Variants in HCFC2 observed in about 807,000 individuals in gnomAD.
HCFC2 encodes the protein host cell factor C2.
In HCFC2, 18 loss-of-function variants were observed where a neutral mutation model predicts 89.2. The observed-to-expected ratio is 0.20, with a 90% CI of 0.14 to 0.30. The LOEUF (loss-of-function observed/expected upper bound fraction) is 0.30, where lower values mean the gene tolerates loss of function less well. HCFC2 is among the 10% of genes least tolerant of loss of function. HCFC2 has a pLI of 1.00. For synonymous variants in HCFC2, 308 were observed against 335.7 expected, an observed-to-expected ratio of 0.92 and a Z score of 0.90; for missense variants, 578 against 956.1, an observed-to-expected ratio of 0.60 and a Z score of 5.21.
intron 8 of HCFC2, 26 bp downstream of exon 8, chr12:104,087,040 A>G (rs1364694173): frequency 6.2e-7 from 1 of 1,610,642 alleles, no homozygotes; most frequent in Non-Finnish European, 8.5e-7. Flanking sequence ...TGCTTAAAGT[A>G]TGTGTGCTCA....
chr12:104,072,175 C>T (rs1002824680), intron 3 of HCFC2, among the ~76,000 whole-genome samples: 1 of 152,196 alleles, frequency 6.6e-6, no homozygotes, highest in East Asian at 1.9e-4. Flanking sequence ...AGTATGAGAC[C>T]AGCCTGGGCA....
chr12:104,093,431 A>G lies in HCFC2; in HGVS notation c.1330A>G (p.Lys444Glu). 21 of 1,613,520 alleles carry G rather than the reference A, an allele frequency of 1.3e-5. No homozygotes were observed. The highest frequency in any genetic ancestry group is 1.8e-5 in the Non-Finnish European group (21 of 1,179,686). The change falls in exon 10 of 15, where the codon AAA becomes GAA. Residue 444 changes from lysine to glutamate, a missense_variant. Transcript: ENST00000229330. ...CACAAAAACTGAACAGCCAGCCACA[A>G]AAGAAACTTCAATGAAAAACAAACC... ...NSTKTEQPAT[K>E]ETSMKNKPDF... is the part of the protein sequence containing the mutation.
intron 7 of HCFC2, among the ~76,000 whole-genome samples, chr12:104,083,639 G>A (rs964232236): frequency 2.0e-5 from 3 of 152,068 alleles, no homozygotes; most frequent in South Asian, 2.1e-4. Flanking sequence ...TGGAGAAAAG[G>A]GAAAGCTGGG....
chr12:104,101,872 T>C, intron 13 of HCFC2, 96 bp from the exon 14 acceptor site: 1 of 741,324 alleles, frequency 1.3e-6, no homozygotes, highest in South Asian at 3.9e-5. Context: ...ATTTATTCTT[T>C]AAAAGTTTTT....
Position 104,078,339 on chromosome 12 carries a change from G to A in HCFC2, c.474-1106G>A, listed in dbSNP as rs115376680. Among the ~76,000 whole-genome samples the A allele has an allele frequency of 8.4e-3, 1,272 of 152,154 alleles. 13 individuals are homozygous for A. Among genetic ancestry groups the A allele is most frequent in the African/African-American group, 0.028 (1,156 of 41,526 alleles). ...CTTAGATTTATTTTTCTTTTTCCTAGATAACATCCTAGAATTATTTTCCGC... is the reference window on the plus strand; with the variant it reads ...CTTAGATTTATTTTTCTTTTTCCTAAATAACATCCTAGAATTATTTTCCGC... On this transcript the variant is annotated intron_variant, in intron 3 of 14. Transcript: ENST00000229330.
chr12:104,096,532 C>T, intron 12 of HCFC2, 99 bp downstream of exon 12: 1 of 757,806 alleles, frequency 1.3e-6, no homozygotes, highest in Non-Finnish European at 2.2e-6. Context: ...ATTCTCAGGT[C>T]TCAGTAATGA....
intron 9 of HCFC2, 123 bp from the exon 10 acceptor site, chr12:104,093,262 AT>A: frequency 1.7e-6 from 1 of 587,358 alleles, no homozygotes. Context: ...TAATAATGTA[AT>A]TTTTAGGTGT....
chr12:104,090,239 T>TC (rs1397612028), intron 9 of HCFC2, among the ~76,000 whole-genome samples: 1 of 152,238 alleles, frequency 6.6e-6, no homozygotes, highest in East Asian at 1.9e-4. Flanking sequence ...TGGAAGTTTT[T>TC]CCCTCAGAAA....
In HCFC2 at chr12:104,103,410, T is replaced by C. The variant is rs987699200; in HGVS notation, c.*137T>C. 2.9e-6 allele frequency: 2 copies of C among 700,086 alleles called. No homozygotes were observed. Among genetic ancestry groups the C allele is most frequent in the Admixed American group, 6.1e-5 (2 of 32,542 alleles). 43.4% of individuals were successfully genotyped at this position (700,086 alleles called of 1,614,324 possible). Reference sequence around the variant, plus strand: ...TTGAGTTTGTAAATTGTTCTTAAAATGTATTTGCTGAATTATAGATCCAAA... The same window carrying C: ...TTGAGTTTGTAAATTGTTCTTAAAACGTATTTGCTGAATTATAGATCCAAA... On this transcript the variant is annotated 3_prime_UTR_variant, in exon 15 of 15. Coordinates refer to ENST00000229330, the MANE Select transcript of HCFC2 (RefSeq NM_013320.3).
At chr12:104,076,827 C>T (rs565295231) in intron 3 of HCFC2, among the ~76,000 whole-genome samples, 1 of 152,072 alleles carries the variant, frequency 6.6e-6, no homozygotes, top group East Asian at 1.9e-4. Context: ...CAGATTTTGT[C>T]TTATAATAGG....
At chr12:104,100,349 G>A (rs995480826) in intron 13 of HCFC2, among the ~76,000 whole-genome samples, 1 of 152,144 alleles carries the variant, frequency 6.6e-6, no homozygotes, top group African/African-American at 2.4e-5. Context: ...GGAAGTCCAA[G>A]GTGGGAGGAG....
chr12:104,093,485 G>A lies in HCFC2; in HGVS notation c.1384G>A (p.Ala462Thr), dbSNP rs779268023. The A allele has an allele frequency of 2.5e-6, 4 of 1,613,016 alleles. No individual in the cohort carries two copies. Among genetic ancestry groups the A allele is most frequent in the South Asian group, 2.2e-5 (2 of 91,030 alleles). Residue 462 changes from alanine (A) to threonine (T), a missense_variant, in exon 10 of 15, where the codon GCC becomes ACC. This residue lies in a region of HCFC2 where 210 missense variants were observed against 251.7 expected (regional missense o/e 0.83). Transcript: ENST00000229330. ...PDFKALTDSN[A>T]ILYPSLASNA... ...CTTTAAAGCACTGACGGATTCTAAT[G>A]CCATTTTATATCCATCTTTGGCATC... is the stretch of plus-strand genomic sequence containing the variant.
intron 5 of HCFC2, among the ~76,000 whole-genome samples, chr12:104,081,687 AG>A (rs1358328808): frequency 4.6e-5 from 7 of 151,560 alleles, no homozygotes; most frequent in Non-Finnish European, 7.4e-5. Flanking sequence ...TTAACTGAAG[AG>A]GCATTTTATA....
In HCFC2 at chr12:104,095,973, T is replaced by TA. The variant is rs1884164675; in HGVS notation, c.1667-386dup. 6.6e-6 allele frequency among the ~76,000 whole-genome samples: 1 copy of TA among 152,186 alleles called. No homozygotes were observed. Among genetic ancestry groups the TA allele is most frequent in the Admixed American group, 6.5e-5 (1 of 15,274 alleles). ...TGAATAAATTTAGCAAACTTTTTTTTAGACAAGATTGGTTCTAGACTGTGT... is the reference window on the plus strand; with the variant it reads ...TGAATAAATTTAGCAAACTTTTTTTTAAGACAAGATTGGTTCTAGACTGTGT... On this transcript the variant is annotated intron_variant, in intron 11 of 14. Coordinates refer to ENST00000229330, the MANE Select transcript of HCFC2 (RefSeq NM_013320.3). This position sits in a 1 kb window ranked among gnomAD's most constrained non-coding sequence, Gnocchi z 4.2.
chr12:104,076,242 A>T (rs1883492348), intron 3 of HCFC2, among the ~76,000 whole-genome samples: 1 of 152,242 alleles, frequency 6.6e-6, no homozygotes, highest in Admixed American at 6.5e-5. Context: ...CAGCCTCCTG[A>T]GTAGCTGGGA....
At position 104,082,499 on chromosome 12, in the gene HCFC2, G is replaced by A; in HGVS notation, c.768-1G>A. The A allele has an allele frequency of 6.3e-7, 1 of 1,579,710 alleles. No homozygotes were observed. Among genetic ancestry groups the A allele is most frequent in the Non-Finnish European group, 8.7e-7 (1 of 1,149,048 alleles). ...TATGTTTTTGTTTTGTTGTTGCTCA[G>A]GATGTACATTTTTGGTGGATGGGTC... On this transcript the variant is annotated splice_acceptor_variant, in intron 5 of 14. Transcript: ENST00000229330. LOFTEE classifies it high-confidence loss of function.
chr12:104,066,050 CT>C, intron 1 of HCFC2, 116 bp from the exon 2 acceptor site: 1 of 991,066 alleles, frequency 1.0e-6, no homozygotes, highest in South Asian at 1.4e-5. Flanking sequence ...CAAATGTCTT[CT>C]GGGGGGCAGA....
At chr12:104,086,806 C>T (rs773870288) in intron 7 of HCFC2, 41 bp from the exon 8 acceptor site, 3 of 1,572,440 alleles carry the variant, frequency 1.9e-6, no homozygotes, top group South Asian at 2.2e-5. Context: ...ACCATTTATA[C>T]ACTGGAAACT....
chr12:104,096,278 A>G (rs1884174776), intron 11 of HCFC2, 82 bp from the exon 12 acceptor site: 3 of 905,668 alleles, frequency 3.3e-6, no homozygotes, highest in Non-Finnish European at 4.9e-6. Context: ...AGTTGGTGGC[A>G]TTAAATATAT....
Sources: gnomAD v4.1 joint callset for allele counts (sites outside exome capture counted in the v4.1 genomes callset) on GRCh38, gnomAD v4.1.1 for gene constraint, gnomAD v4.1.1 regional missense constraint, Gnocchi (gnomAD v3.1) non-coding constraint, MANE v1.5 for transcripts, NCBI Gene and HGNC (gene_info 2026-07-23, HGNC 2026-07-21) for gene names.